Variants in SLC2A9 observed in about 807,000 individuals in gnomAD.
SLC2A9 encodes the protein solute carrier family 2, facilitated glucose transporter member 9.
A neutral mutation model predicts 50.6 loss-of-function variants in SLC2A9; 39 were observed. The ratio of observed to expected loss-of-function variants is 0.77; its 90% CI spans 0.60 to 1.01. SLC2A9 has a LOEUF of 1.01. Among genes scored for constraint, SLC2A9 ranks in the 50% least tolerant of loss-of-function variants. SLC2A9 has a pLI of 0.00. For synonymous variants in SLC2A9, 324 were observed against 276.9 expected, an observed-to-expected ratio of 1.17 and a Z score of -1.69; for missense variants, 686 against 677.6, an observed-to-expected ratio of 1.01 and a Z score of -0.14.
At chr4:9,975,631 G>A (rs1461568377) in intron 5 of SLC2A9, among the ~76,000 whole-genome samples, 1 of 151,952 alleles carries the variant, frequency 6.6e-6, no homozygotes. Context: ...CAGAGAAAAG[G>A]GAACACTTAT....
intron 5 of SLC2A9, among the ~76,000 whole-genome samples, chr4:9,946,034 C>G (rs4339211): frequency 1.3e-5 from 2 of 151,924 alleles, no homozygotes; most frequent in East Asian, 3.9e-4. Context: ...GACCATGAGG[C>G]GCCACCAAAC....
intron 10 of SLC2A9, among the ~76,000 whole-genome samples, chr4:9,869,321 C>T (rs1298276802): frequency 6.6e-6 from 1 of 152,180 alleles, no homozygotes; most frequent in East Asian, 1.9e-4. Context: ...TGCTTAAAAC[C>T]CAACAGTAGC....
At chr4:9,925,714 G>A (rs1350915524) in intron 6 of SLC2A9, among the ~76,000 whole-genome samples, 1 of 152,178 alleles carries the variant, frequency 6.6e-6, no homozygotes, top group East Asian at 1.9e-4. Context: ...TCCAACCCAT[G>A]TGTTTTGAAT....
At chr4:10,037,844 G>A (rs1188801021) in intron 1 of SLC2A9, among the ~76,000 whole-genome samples, 4 of 152,136 alleles carry the variant, frequency 2.6e-5, no homozygotes, top group Admixed American at 6.6e-5. Flanking sequence ...TCAGCTACTC[G>A]GGAGGCTGAG....
At chr4:9,985,018 T>C (rs1461894878) in intron 4 of SLC2A9, among the ~76,000 whole-genome samples, 2 of 152,182 alleles carry the variant, frequency 1.3e-5, no homozygotes, top group Admixed American at 1.3e-4. Context: ...CTCTTCTCTC[T>C]GCTGGGAACA....
intron 10 of SLC2A9, among the ~76,000 whole-genome samples, chr4:9,838,617 A>G (rs977627595): frequency 6.6e-6 from 1 of 152,244 alleles, no homozygotes; most frequent in African/African-American, 2.4e-5. Context: ...CTACAGAATT[A>G]TAGTAACCAA....
At chr4:9,919,751 C>T (rs1743558302) in intron 7 of SLC2A9, among the ~76,000 whole-genome samples, 1 of 152,248 alleles carries the variant, frequency 6.6e-6, no homozygotes, top group South Asian at 2.1e-4. Context: ...ATCACCACCC[C>T]TAGAGGCAAC....
chr4:9,829,022 C>T (rs1219877177), intron 11 of SLC2A9, among the ~76,000 whole-genome samples: 1 of 152,202 alleles, frequency 6.6e-6, no homozygotes, highest in East Asian at 1.9e-4. Flanking sequence ...GACACCCACA[C>T]AGCTGCCTCT....
chr4:9,932,820 T>A (rs566370799), intron 6 of SLC2A9, among the ~76,000 whole-genome samples: 2 of 152,320 alleles, frequency 1.3e-5, no homozygotes, highest in South Asian at 4.1e-4. Flanking sequence ...TTACTCCCTA[T>A]AAATGATATC....
intron 5 of SLC2A9, among the ~76,000 whole-genome samples, chr4:9,966,720 T>G (rs1170444708): frequency 2.0e-5 from 3 of 152,192 alleles, no homozygotes; most frequent in Non-Finnish European, 4.4e-5. Flanking sequence ...AAACAAATTA[T>G]AACTCATAAA....
At chr4:9,985,929 G>A in intron 3 of SLC2A9, 136 bp from the exon 4 acceptor site, 2 of 1,240,148 alleles carry the variant, frequency 1.6e-6, no homozygotes, top group African/African-American at 1.5e-5. Flanking sequence ...GGGAGCACTG[G>A]CCTTGCCACC....
At chr4:9,972,005 C>T (rs1371860406) in intron 5 of SLC2A9, among the ~76,000 whole-genome samples, 5 of 152,228 alleles carry the variant, frequency 3.3e-5, no homozygotes, top group Non-Finnish European at 7.3e-5. Flanking sequence ...TAATTCGTCT[C>T]ATTTTTTCTT....
intron 5 of SLC2A9, among the ~76,000 whole-genome samples, chr4:9,964,259 T>C (rs1179409059): frequency 1.4e-5 from 2 of 139,072 alleles, no homozygotes; most frequent in East Asian, 1.9e-4. Context: ...GATGAGAATT[T>C]GCATTTCTAA....
intron 7 of SLC2A9, among the ~76,000 whole-genome samples, chr4:9,919,896 C>A (rs1743581230): frequency 1.3e-5 from 2 of 152,158 alleles, no homozygotes; most frequent in South Asian, 4.1e-4. Context: ...ATCTGGGGAA[C>A]CTCATGGAGA....
intron 2 of SLC2A9, among the ~76,000 whole-genome samples, chr4:10,011,932 C>T (rs1761832680): frequency 6.6e-6 from 1 of 152,210 alleles, no homozygotes; most frequent in South Asian, 2.1e-4. Context: ...GAGCCTCCTC[C>T]CTTTTCTAAA....
rs148257052 is a variant in SLC2A9 at position 9,947,144 on chromosome 4, C to T, written c.682-5099G>A. 4.6e-5 allele frequency among the ~76,000 whole-genome samples: 7 copies of T among 152,268 alleles called. No individual in the cohort carries two copies. In the East Asian group the frequency reaches 7.7e-4, roughly 17 times the overall value. On this transcript the variant is annotated intron_variant, in intron 5 of 11. Coordinates refer to ENST00000264784, the MANE Select transcript of SLC2A9 (RefSeq NM_020041.3). ...TAGGAACCAAGTGTGTGAGGCTGTA[C>T]GTTGGGACTCTGGGGCCAATGGATG...
rs73804734 is a variant in SLC2A9, at chr4:9,833,354, C to G, written c.1419+1527G>C. Among the ~76,000 whole-genome samples the G allele has an allele frequency of 3.9e-3, 588 of 152,196 alleles. 7 individuals are homozygous for G. Among genetic ancestry groups the G allele is most frequent in the African/African-American group, 0.014 (572 of 41,516 alleles). On this transcript the variant is annotated intron_variant, in intron 11 of 11. Coordinates refer to ENST00000264784, the MANE Select transcript of SLC2A9 (RefSeq NM_020041.3). ...GTGTGGCAGCCTTCTAACTCTGAGA[C>G]GAGGAGGCTGTAGCAAGTGATGGAT...
At chr4:9,999,475 C>A (rs1055004770) in intron 2 of SLC2A9, among the ~76,000 whole-genome samples, 7 of 151,892 alleles carry the variant, frequency 4.6e-5, no homozygotes, top group African/African-American at 1.7e-4. Context: ...TGCCATTTAA[C>A]ATGGAAAAGA....
chr4:9,865,443 G>T (rs1732293458), intron 10 of SLC2A9, among the ~76,000 whole-genome samples: 1 of 152,172 alleles, frequency 6.6e-6, no homozygotes, highest in Admixed American at 6.5e-5. Flanking sequence ...ATTTGTATGA[G>T]ACCATTTATC....
Sources: gnomAD v4.1 joint callset for allele counts (sites outside exome capture counted in the v4.1 genomes callset) on GRCh38, gnomAD v4.1.1 for gene constraint, MANE v1.5 for transcripts, NCBI Gene and HGNC (gene_info 2026-07-23, HGNC 2026-07-21) for gene names.